The following BLOC1S1 variants were observed in gnomAD, a reference collection of about 807,000 sequenced individuals.
BLOC1S1 encodes the protein biogenesis of lysosomal organelles complex 1 subunit 1.
A neutral mutation model predicts 19.0 loss-of-function variants in BLOC1S1; 11 were observed. The observed-to-expected ratio is 0.58, with a 90% confidence interval of 0.37 to 0.96. The LOEUF is 0.96. Ranked by LOEUF, BLOC1S1 falls within the 40% of genes least tolerant of loss-of-function variation. The pLI, the probability that BLOC1S1 is intolerant of heterozygous loss-of-function variation, is 0.01. For missense variants in BLOC1S1, 220 were observed against 195.9 expected, an observed-to-expected ratio of 1.12 and a Z score of -0.73; for synonymous variants, 94 against 76.4, an observed-to-expected ratio of 1.23 and a Z score of -1.20.
chr12:55,719,052 C>T lies in BLOC1S1; in HGVS notation c.219-39C>T, dbSNP rs565027871. ...TATTAGTCCCGGAGACCACCCCCAA[C>T]TAGCTGGAGCTGATCTCCTCCCTCC... On this transcript the variant is annotated intron_variant, in intron 2 of 3. Coordinates refer to ENST00000548925, the MANE Select transcript of BLOC1S1 (RefSeq NM_001487.4). 4 of 1,600,522 alleles carry T rather than the reference C, an allele frequency of 2.5e-6. No individual in the cohort carries two copies. The South Asian group carries it at 4.4e-5, about 18-fold the overall frequency.
intron 3 of BLOC1S1, 79 bp downstream of exon 3, chr12:55,719,302 G>T (rs777938306): frequency 6.2e-7 from 1 of 1,608,156 alleles, no homozygotes; most frequent in Non-Finnish European, 8.5e-7. Context: ...TCAGGTTTAG[G>T]TTAAGGAGGA....
intron 1 of BLOC1S1, chr12:55,716,545 C>G: frequency 8.2e-7 from 1 of 1,219,384 alleles, no homozygotes; most frequent in Non-Finnish European, 1.0e-6. Flanking sequence ...TGGGGAACCC[C>G]CCAGAGATGG....
At chr12:55,716,770 A>G in intron 1 of BLOC1S1, 163 bp from the exon 2 acceptor site, 1 of 1,272,276 alleles carries the variant, frequency 7.9e-7, no homozygotes, top group Non-Finnish European at 1.0e-6. Flanking sequence ...AAAATGAAAG[A>G]GGTTGCGCTA....
chr12:55,716,456 C>T, intron 1 of BLOC1S1: 1 of 1,337,344 alleles, frequency 7.5e-7, no homozygotes, highest in South Asian at 1.7e-5. Flanking sequence ...CCGCCCCTGC[C>T]CCGGAGCGCC....
chr12:55,718,622 G>T (rs1005040363), intron 2 of BLOC1S1, among the ~76,000 whole-genome samples: 1 of 152,070 alleles, frequency 6.6e-6, no homozygotes, highest in African/African-American at 2.4e-5. Context: ...CAGGGTTCCT[G>T]GGGAGGGGGT....
At chr12:55,718,950 G>C (rs1876770541) in intron 2 of BLOC1S1, 141 bp from the exon 3 acceptor site, 3 of 1,029,142 alleles carry the variant, frequency 2.9e-6, no homozygotes, top group Non-Finnish European at 1.4e-6. Context: ...TGTACTGGTA[G>C]TCATTTGCAT....
In BLOC1S1 at chr12:55,719,524, C is replaced by T; in HGVS notation, c.377C>T (p.Ala126Val). ...LKEIGDVENWARSIELDMRTI... is the reference protein window; with the variant it reads ...LKEIGDVENWVRSIELDMRTI... ...GAAATTGGGGATGTGGAGAACTGGG[C>T]TCGGAGCATCGAGCTGGACATGCGC... is the stretch of plus-strand genomic sequence containing the variant. The change falls in exon 4 of 4, where the codon GCT becomes GTT. Residue 126 changes from alanine to valine, a missense_variant. By Grantham distance (64) the Ala-to-Val change is moderately conservative. Coordinates refer to ENST00000548925, the MANE Select transcript of BLOC1S1 (RefSeq NM_001487.4). The T allele has an allele frequency of 1.2e-6, 2 of 1,614,212 alleles. No individual in the cohort carries two copies. The highest frequency in any genetic ancestry group is 1.1e-5 in the South Asian group (1 of 91,090).
intron 1 of BLOC1S1, 135 bp downstream of exon 1, chr12:55,716,331 T>C: frequency 2.7e-6 from 4 of 1,483,852 alleles, no homozygotes; most frequent in Non-Finnish European, 3.6e-6. Flanking sequence ...GGAGAGGGAA[T>C]TTCAGAGAGG....
chr12:55,716,827 G>C (rs1170016244), intron 1 of BLOC1S1, 106 bp from the exon 2 acceptor site: 4 of 1,321,770 alleles, frequency 3.0e-6, no homozygotes, highest in Non-Finnish European at 4.1e-6. Context: ...GATTAGTTAA[G>C]AAATTTCGGC....
Position 55,716,888 on chromosome 12 carries a change from A to G in BLOC1S1, c.146-45A>G, listed in dbSNP as rs747372517. 35 of 1,557,052 alleles carry G rather than the reference A, an allele frequency of 2.2e-5. No individual in the cohort carries two copies. The African/African-American group carries it at 4.1e-4, about 18-fold the overall frequency. ...TAGGGAACCTTTAACACTACCCCTC[A>G]AAAAACCAAGTCTCCCCTCCAATTC... On this transcript the variant is annotated intron_variant, in intron 1 of 3. Coordinates refer to ENST00000548925, the MANE Select transcript of BLOC1S1 (RefSeq NM_001487.4).
Position 55,719,673 on chromosome 12 carries a change from A to T in BLOC1S1, c.*64A>T. ...CCCGCAGGGGGAAGGAGGGAGGCTG[A>T]CAAGCCTTGAATAAAACACAAGCCT... On this transcript the variant is annotated 3_prime_UTR_variant, in exon 4 of 4. Transcript: ENST00000548925. The T allele has an allele frequency of 7.2e-7, 1 of 1,380,918 alleles. No homozygotes were observed. Among genetic ancestry groups the T allele is most frequent in the Non-Finnish European group, 1.0e-6 (1 of 977,362 alleles). The allele number at this position is 1,380,918 out of a possible 1,614,324, so 85.5% of individuals were successfully genotyped here. A position where few individuals can be genotyped will look rare whatever the true frequency, so the allele number is the denominator to read the frequency against.
At chr12:55,716,340 G>A (rs1302775863) in intron 1 of BLOC1S1, 144 bp downstream of exon 1, 1 of 1,476,350 alleles carries the variant, frequency 6.8e-7, no homozygotes, top group East Asian at 2.6e-5. Flanking sequence ...ATTTCAGAGA[G>A]GCTTTTTTTG....
chr12:55,716,834 C>T, intron 1 of BLOC1S1, 99 bp from the exon 2 acceptor site: 2 of 1,327,176 alleles, frequency 1.5e-6, no homozygotes, highest in South Asian at 1.5e-5. Context: ...TAAGAAATTT[C>T]GGCAACTAGC....
chr12:55,718,055 C>G (rs1204503828), intron 2 of BLOC1S1, among the ~76,000 whole-genome samples: 2 of 152,236 alleles, frequency 1.3e-5, no homozygotes, highest in Non-Finnish European at 2.9e-5. Flanking sequence ...TTTCCCTCTT[C>G]TTTTCCTTTG....
At chr12:55,716,524 G>A (rs1156864399) in intron 1 of BLOC1S1, 23 of 1,242,326 alleles carry the variant, frequency 1.9e-5, no homozygotes, top group South Asian at 7.7e-5. Context: ...GACTCTGGAG[G>A]GAGGAGGGTG....
chr12:55,719,325 C>A (rs781058675), intron 3 of BLOC1S1, 102 bp downstream of exon 3: 4 of 1,573,330 alleles, frequency 2.5e-6, no homozygotes, highest in Non-Finnish European at 3.5e-6. Flanking sequence ...TAGGGTGGTC[C>A]CAGAAACCCC....
At position 55,716,556 on chromosome 12, in the gene BLOC1S1, G is replaced by A; in HGVS notation, c.145+360G>A. ...GGTGTGGGGAACCCCCCAGAGATGG[G>A]CTTCTTGGAGGCCTGAAACCACCGG... On this transcript the variant is annotated intron_variant, in intron 1 of 3. Coordinates refer to ENST00000548925, the MANE Select transcript of BLOC1S1 (RefSeq NM_001487.4). 3 of 1,208,962 alleles carry A rather than the reference G, an allele frequency of 2.5e-6. No individual in the cohort carries two copies. In the East Asian group the frequency reaches 1.5e-4, roughly 61 times the overall value. The allele number at this position is 1,208,962 out of a possible 1,614,324, so 74.9% of individuals were successfully genotyped here.
chr12:55,716,423 C>A, intron 1 of BLOC1S1: 1 of 1,375,112 alleles, frequency 7.3e-7, no homozygotes, highest in Non-Finnish European at 9.3e-7. Context: ...CGCCCCCAAT[C>A]CCCGACCTGC....
chr12:55,717,651 A>G (rs1876673222), intron 2 of BLOC1S1, among the ~76,000 whole-genome samples: 1 of 152,240 alleles, frequency 6.6e-6, no homozygotes, highest in African/African-American at 2.4e-5. Flanking sequence ...GAAGAAAGGC[A>G]GTATGGTACC....
Sources: allele counts gnomAD v4.1 joint callset (sites outside exome capture counted in the v4.1 genomes callset), GRCh38; gene constraint gnomAD v4.1.1; transcripts MANE v1.5; gene names NCBI Gene and HGNC (gene_info 2026-07-23, HGNC 2026-07-21).